Variants in DNAH10 observed in about 807,000 individuals in gnomAD.
The protein encoded by DNAH10 is dynein axonemal heavy chain 10, also known as axonemal beta dynein heavy chain 10.
Under a neutral mutation model 506.6 loss-of-function variants are expected in DNAH10, and 348 were observed. That is an observed-to-expected ratio of 0.69 (90% confidence interval 0.63 to 0.75). The LOEUF is 0.75. Among genes scored for constraint, DNAH10 ranks in the 30% least tolerant of loss-of-function variants. The pLI is 0.00. For synonymous variants in DNAH10, 2,059 were observed against 2,198.6 expected (o/e 0.94, Z 1.78); for missense variants, 5,179 against 5,787.1 (o/e 0.89, Z 3.41).
chr12:123,835,344 G>A (rs1270849246), intron 27 of DNAH10, 62 bp from the exon 28 acceptor site: 3 of 1,574,530 alleles, frequency 1.9e-6, no homozygotes, highest in East Asian at 2.3e-5. Context: ...ATGGGGCTTT[G>A]CCATCCACTT....
rs1392030874 is a variant in DNAH10, at chr12:123,928,739, C to G, written c.12306+152C>G. On this transcript the variant is annotated intron_variant, in intron 70 of 78. Coordinates refer to ENST00000673944, the MANE Select transcript of DNAH10 (RefSeq NM_001372106.1). The surrounding 1 kb of genome is among the most constrained non-coding windows in gnomAD (Gnocchi z 4.9). ...CGGTTGAAACCCTTCTCAATCCCAC[C>G]TCTCTCTTTAGAGGGAGCCGCTGTC... 1 of 886,988 alleles carries G rather than the reference C, an allele frequency of 1.1e-6. No homozygotes were observed. The highest frequency in any genetic ancestry group is 1.7e-5 in the African/African-American group (1 of 59,114). 54.9% of individuals were successfully genotyped at this position (886,988 alleles called of 1,614,324 possible).
chr12:123,934,794 C>T, intron 78 of DNAH10, 28 bp downstream of exon 78: 1 of 1,612,120 alleles, frequency 6.2e-7, no homozygotes, highest in Non-Finnish European at 8.5e-7. Context: ...TCCTCTCTGA[C>T]ACCAGGGCCC....
rs1953631259 is a variant in DNAH10, at chr12:123,903,559, A to G, written c.9815+446A>G. 6.6e-6 allele frequency among the ~76,000 whole-genome samples: 1 copy of G among 152,188 alleles called. No homozygotes were observed. On this transcript the variant is annotated intron_variant, in intron 57 of 78. Coordinates refer to ENST00000673944, the MANE Select transcript of DNAH10 (RefSeq NM_001372106.1). The surrounding 1 kb of genome is among the most constrained non-coding windows in gnomAD (Gnocchi z 4.6). ...TCCATTTCCAGCCAAGGAAGCTTTC[A>G]AGGAGGGTGAGAGTAGGTCACTATT...
intron 34 of DNAH10, among the ~76,000 whole-genome samples, chr12:123,849,372 A>G (rs894216644): frequency 1.3e-5 from 2 of 152,230 alleles, no homozygotes; most frequent in African/African-American, 2.4e-5. Context: ...GAATTCACCA[A>G]TTTCTCTCTG....
chr12:123,913,392 C>G lies in DNAH10; in HGVS notation c.10352+77C>G. On this transcript the variant is annotated intron_variant, in intron 60 of 78. Coordinates refer to ENST00000673944, the MANE Select transcript of DNAH10 (RefSeq NM_001372106.1). The surrounding 1 kb of genome is among the most constrained non-coding windows in gnomAD (Gnocchi z 5.1). Reference sequence around the variant, plus strand: ...CACAGAGTTTCTCGCCATGTTGATTCTTTATCTCACGTTGTGTTTTTATGT... The same window carrying G: ...CACAGAGTTTCTCGCCATGTTGATTGTTTATCTCACGTTGTGTTTTTATGT... 7.1e-7 allele frequency: 1 copy of G among 1,408,116 alleles called. No homozygotes were observed. Among genetic ancestry groups the G allele is most frequent in the Non-Finnish European group, 9.5e-7 (1 of 1,052,326 alleles). The allele number at this position is 1,408,116 out of a possible 1,614,324, so 87.2% of individuals were successfully genotyped here.
intron 27 of DNAH10, 107 bp from the exon 28 acceptor site, chr12:123,835,299 C>G: frequency 1.5e-6 from 2 of 1,330,302 alleles, no homozygotes; most frequent in East Asian, 2.5e-5. Context: ...GAAGGTCCTC[C>G]CACCTGAGTT....
intron 52 of DNAH10, among the ~76,000 whole-genome samples, chr12:123,891,826 A>G (rs1197105421): frequency 6.6e-6 from 1 of 152,234 alleles, no homozygotes; most frequent in East Asian, 1.9e-4. Flanking sequence ...AAAAGGACAC[A>G]GAGCAACATC....
At chr12:123,884,377 G>T (rs1467830308) in intron 51 of DNAH10, among the ~76,000 whole-genome samples, 1 of 152,292 alleles carries the variant, frequency 6.6e-6, no homozygotes, top group African/African-American at 2.4e-5. Context: ...GGCAGTTCAG[G>T]CTGTTATAAC....
At chr12:123,823,800 A>AAATT (rs1409613574) in intron 24 of DNAH10, among the ~76,000 whole-genome samples, 1 of 152,130 alleles carries the variant, frequency 6.6e-6, no homozygotes, top group African/African-American at 2.4e-5. Flanking sequence ...TACAATTTTT[A>AAATT]TTGACTATAG....
At chr12:123,767,960 C>T (rs115310761) in intron 2 of DNAH10, among the ~76,000 whole-genome samples, 1,811 of 152,278 alleles carry the variant, frequency 0.012, 40 homozygotes, top group African/African-American at 0.041. Context: ...GGCAGGGCTG[C>T]GCTCCCTCTG....
chr12:123,874,683 A>G (rs1952179167), intron 46 of DNAH10, among the ~76,000 whole-genome samples: 1 of 151,986 alleles, frequency 6.6e-6, no homozygotes, highest in Non-Finnish European at 1.5e-5. Flanking sequence ...TGTATGAATT[A>G]ATTACCCAAT....
chr12:123,870,615 G>A, intron 44 of DNAH10, 130 bp downstream of exon 44: 1 of 1,344,500 alleles, frequency 7.4e-7, no homozygotes, highest in Non-Finnish European at 9.9e-7. Context: ...GAGAAGAATT[G>A]AAGAGGGTGA....
At chr12:123,813,685 T>A in intron 20 of DNAH10, 45 bp downstream of exon 20, 1 of 1,612,974 alleles carries the variant, frequency 6.2e-7, no homozygotes, top group Non-Finnish European at 8.5e-7. Context: ...TCGTGTAAGT[T>A]GGGTCTTCAT....
Position 123,931,321 on chromosome 12 carries a change from G to T in DNAH10, c.12785-20G>T. The T allele has an allele frequency of 1.2e-6, 2 of 1,612,692 alleles. No individual in the cohort carries two copies. The highest frequency in any genetic ancestry group is 1.7e-6 in the Non-Finnish European group (2 of 1,179,710). ...CAGGTGGCTGGACAGTGCCACCTCC[G>T]TTGTTCTCTGTGATTGCAGAAGCCA... On this transcript the variant is annotated intron_variant, in intron 73 of 78. Transcript: ENST00000673944.
intron 1 of DNAH10, among the ~76,000 whole-genome samples, chr12:123,767,323 C>G (rs138559540): frequency 3.3e-5 from 5 of 152,300 alleles, no homozygotes; most frequent in African/African-American, 7.2e-5. Flanking sequence ...CACCCAGGAG[C>G]CTCTTTCTTA....
At chr12:123,771,842 C>T (rs963266377) in intron 3 of DNAH10, 144 bp downstream of exon 3, 36 of 689,176 alleles carry the variant, frequency 5.2e-5, no homozygotes, top group Admixed American at 1.7e-4. Context: ...CCCTCAGATT[C>T]AGTGATTGGC....
intron 54 of DNAH10, among the ~76,000 whole-genome samples, chr12:123,896,148 C>CACACACACATAGAG (rs1383690518): frequency 3.1e-5 from 3 of 95,272 alleles, no homozygotes; most frequent in Non-Finnish European, 5.8e-5. Context: ...CACACACACA[C>CACACACACATAGAG]AGAGAGAGAG....
chr12:123,765,955 C>T (rs1437198588), intron 1 of DNAH10, among the ~76,000 whole-genome samples: 1 of 151,954 alleles, frequency 6.6e-6, no homozygotes, highest in Non-Finnish European at 1.5e-5. Flanking sequence ...GTGTGTCTGT[C>T]TACCTATCAC....
chr12:123,841,124 G>A (rs763227144), intron 29 of DNAH10, among the ~76,000 whole-genome samples, 198 bp from the exon 30 acceptor site: 8 of 152,232 alleles, frequency 5.3e-5, no homozygotes, highest in Non-Finnish European at 1.2e-4. Context: ...GCACAGTACA[G>A]AGTAAATGAA....
Sources: gnomAD v4.1 joint callset for allele counts (sites outside exome capture counted in the v4.1 genomes callset) on GRCh38, gnomAD v4.1.1 for gene constraint, Gnocchi (gnomAD v3.1) non-coding constraint, MANE v1.5 for transcripts, NCBI Gene and HGNC (gene_info 2026-07-23, HGNC 2026-07-21) for gene names.